The following UBE3A variants were observed in gnomAD, a reference collection of about 807,000 sequenced individuals.
The protein encoded by UBE3A is ubiquitin-protein ligase E3A.
In UBE3A, 6 loss-of-function variants were observed where a neutral mutation model predicts 83.4. The observed-to-expected ratio is 0.07, with a 90% confidence interval of 0.04 to 0.14. UBE3A has a LOEUF of 0.14. Among genes scored for constraint, UBE3A ranks in the 10% least tolerant of loss-of-function variants. UBE3A has a pLI of 1.00. For missense variants in UBE3A, 456 were observed against 1,036.1 expected (o/e 0.44, Z 7.69); for synonymous variants, 337 against 355.4 (o/e 0.95, Z 0.58).
At chr15:25,354,484 C>A (rs755003820) in intron 10 of UBE3A, 44 bp downstream of exon 10, 17 of 1,613,502 alleles carry the variant, frequency 1.1e-5, no homozygotes, top group Non-Finnish European at 1.4e-5. Context: ...TCATTACAAA[C>A]AATAAATCGA....
intron 1 of UBE3A, chr15:25,421,965 G>C (rs1363814641): frequency 6.6e-6 from 1 of 152,094 alleles, no homozygotes; most frequent in Non-Finnish European, 1.5e-5. Context: ...ATTTACCCTA[G>C]AAAAATGAAA....
At chr15:25,437,299 A>AT (rs1371703053) in intron 1 of UBE3A, among the ~76,000 whole-genome samples, 1 of 152,208 alleles carries the variant, frequency 6.6e-6, no homozygotes, top group Admixed American at 6.5e-5. Context: ...GATTTACCAA[A>AT]TCACTTCTTA....
intron 1 of UBE3A, among the ~76,000 whole-genome samples, chr15:25,427,602 CAAAAAAAAAAAAAAAAAAA>C (rs751567252): frequency 1.6e-5 from 1 of 64,182 alleles, no homozygotes; most frequent in Non-Finnish European, 2.6e-5. Flanking sequence ...CCCATCTCTA[CAAAAAAAAAAAAAAAAAAA>C]AAAAAAAAAA....
chr15:25,409,812 T>C (rs1328301728), intron 2 of UBE3A, among the ~76,000 whole-genome samples: 1 of 152,150 alleles, frequency 6.6e-6, no homozygotes, highest in Non-Finnish European at 1.5e-5. Flanking sequence ...AACTGCTTAA[T>C]GGAATAGTTA....
chr15:25,354,273 A>C (rs2076924182), intron 11 of UBE3A, 80 bp downstream of exon 11: 3 of 1,241,756 alleles, frequency 2.4e-6, no homozygotes. Context: ...GGGAATTAGT[A>C]CCTAGAGATA....
rs2073846369 is a variant in UBE3A, at chr15:25,334,045, T to C, written c.*5092A>G. The C allele has an allele frequency of 6.6e-6, 1 of 152,112 alleles. No individual in the cohort carries two copies. The highest frequency in any genetic ancestry group is 1.5e-5 in the Non-Finnish European group (1 of 68,022). The allele number at this position is 152,112 out of a possible 1,614,324, so 9.4% of individuals were successfully genotyped here. A position where few individuals can be genotyped will look rare whatever the true frequency, so the allele number is the denominator to read the frequency against. ...CTTAAAATCAGGAACAAGAAAAAGA[T>C]GTCTGCTCTTGTCACTTCTATCCAA... is the stretch of plus-strand genomic sequence containing the variant. On this transcript the variant is annotated 3_prime_UTR_variant, in exon 13 of 13. Transcript: ENST00000648336.
chr15:25,365,317 A>G (rs1222628782), intron 6 of UBE3A, among the ~76,000 whole-genome samples: 1 of 152,204 alleles, frequency 6.6e-6, no homozygotes. Context: ...TTAAAATCTT[A>G]TAGTTTTCTG....
intron 7 of UBE3A, among the ~76,000 whole-genome samples, chr15:25,359,395 A>G (rs1206592407): frequency 6.6e-6 from 1 of 150,972 alleles, no homozygotes; most frequent in Non-Finnish European, 1.5e-5. Flanking sequence ...ATAAAACACT[A>G]GCTAGATTAT....
At chr15:25,430,572 C>T (rs1347917412) in intron 1 of UBE3A, among the ~76,000 whole-genome samples, 5 of 151,484 alleles carry the variant, frequency 3.3e-5, no homozygotes, top group Non-Finnish European at 5.9e-5. Context: ...AAAACTGACC[C>T]CTAGTTCTGC....
intron 5 of UBE3A, among the ~76,000 whole-genome samples, chr15:25,372,603 T>C (rs539175523): frequency 1.3e-5 from 2 of 152,334 alleles, no homozygotes; most frequent in South Asian, 4.1e-4. Flanking sequence ...CCCAACTTTT[T>C]GAGATAAGTG....
rs1002074493 is a variant in UBE3A, at chr15:25,336,870, AC to A, written c.*2266del. 1 of 152,180 alleles carries A rather than the reference AC, an allele frequency of 6.6e-6. No homozygotes were observed. Among genetic ancestry groups the A allele is most frequent in the Non-Finnish European group, 1.5e-5 (1 of 68,024 alleles). The allele number at this position is 152,180 out of a possible 1,614,324, so 9.4% of individuals were successfully genotyped here. A position where few individuals can be genotyped will look rare whatever the true frequency, so the allele number is the denominator to read the frequency against. On this transcript the variant is annotated 3_prime_UTR_variant, in exon 13 of 13. Transcript: ENST00000648336. ...AATAGAGTACCTGGGCAAAAAAAGTACTTTTATAACATAACATTTGGGGTAG... is the reference window on the plus strand; with the variant it reads ...AATAGAGTACCTGGGCAAAAAAAGTATTTTATAACATAACATTTGGGGTAG...
At chr15:25,418,846 C>G (rs542228046) in intron 1 of UBE3A, 82 of 152,176 alleles carry the variant, frequency 5.4e-4, no homozygotes, top group African/African-American at 1.9e-3. Flanking sequence ...GTCTTTCAAT[C>G]CAAAGACTAC....
At chr15:25,367,171 A>ACATATTTGTAAATATGTAAATATTTG (rs2079269894) in intron 6 of UBE3A, among the ~76,000 whole-genome samples, 3 of 114,550 alleles carry the variant, frequency 2.6e-5, no homozygotes, top group South Asian at 4.9e-4. Flanking sequence ...GGGTATATTT[A>ACATATTTGTAAATATGTAAATATTTG]CATATTTGTA....
intron 1 of UBE3A, chr15:25,418,856 C>T (rs1365567007): frequency 6.6e-6 from 1 of 152,114 alleles, no homozygotes; most frequent in Non-Finnish European, 1.5e-5. Context: ...CCAAAGACTA[C>T]AGTCATACCT....
chr15:25,430,119 ATATAAGAT>A, intron 1 of UBE3A, among the ~76,000 whole-genome samples: 1 of 80,488 alleles, frequency 1.2e-5, no homozygotes, highest in East Asian at 4.8e-4. Flanking sequence ...TAATACATAT[ATATAAGAT>A]TATATATATA....
At chr15:25,424,611 G>GA (rs2153165201) in intron 1 of UBE3A, among the ~76,000 whole-genome samples, 1 of 152,198 alleles carries the variant, frequency 6.6e-6, no homozygotes, top group East Asian at 1.9e-4. Context: ...TTTACTAAGT[G>GA]AATCAGATGG....
At position 25,371,581 on chromosome 15, in the gene UBE3A, G is replaced by A. The variant is rs759545530; in HGVS notation, c.593C>T (p.Ala198Val). ...TGCTTCTGAGTCTTCTTCCATAGCA[G>A]CAGCAGAACATGCAGCTTTTTCCTT... ...DEKEKAACSAAAMEEDSEASS... is the reference protein window; with the variant it reads ...DEKEKAACSAVAMEEDSEASS... Residue 198 changes from alanine (A) to valine (V), a missense_variant, in exon 6 of 13, where the codon GCT becomes GTT. Ala to Val is a moderately conservative substitution (Grantham distance 64). Coordinates refer to ENST00000648336, the MANE Select transcript of UBE3A (RefSeq NM_130839.5). The surrounding 1 kb of genome is among the most constrained non-coding windows in gnomAD (Gnocchi z 5.3). The A allele has an allele frequency of 1.2e-6, 2 of 1,614,118 alleles. No individual in the cohort carries two copies. The highest frequency in any genetic ancestry group is 1.7e-5 in the Admixed American group (1 of 60,020).
rs1318198483 is a variant in UBE3A, at chr15:25,335,643, C to CA, written c.*3493dup. 1 of 152,048 alleles carries CA rather than the reference C, an allele frequency of 6.6e-6. No homozygotes were observed. The highest frequency in any genetic ancestry group is 2.4e-5 in the African/African-American group (1 of 41,396). The allele number at this position is 152,048 out of a possible 1,614,324, so 9.4% of individuals were successfully genotyped here. A position where few individuals can be genotyped will look rare whatever the true frequency, so the allele number is the denominator to read the frequency against. On this transcript the variant is annotated 3_prime_UTR_variant, in exon 13 of 13. Transcript: ENST00000648336. ...GAAGGTTACATTTCTTAAAAAGAAA[C>CA]AAAGAATGGTCGGTCGATAGAGATG...
At chr15:25,387,784 G>A (rs1331916003) in intron 4 of UBE3A, among the ~76,000 whole-genome samples, 1 of 152,030 alleles carries the variant, frequency 6.6e-6, no homozygotes, top group Non-Finnish European at 1.5e-5. Context: ...TGAAAAGAGT[G>A]GACATCATTA....
Sources: allele counts gnomAD v4.1 joint callset (sites outside exome capture counted in the v4.1 genomes callset), GRCh38; gene constraint gnomAD v4.1.1; non-coding constraint Gnocchi (gnomAD v3.1); transcripts MANE v1.5; gene names NCBI Gene and HGNC (gene_info 2026-07-23, HGNC 2026-07-21).